Variants in PTK2 observed in about 807,000 individuals in gnomAD.
PTK2 encodes the protein focal adhesion kinase 1.
Under a neutral mutation model 150.1 loss-of-function variants are expected in PTK2, and 45 were observed. The ratio of observed to expected loss-of-function variants is 0.30; its 90% CI spans 0.24 to 0.38. PTK2 has a LOEUF of 0.38. PTK2 is among the 10% of genes least tolerant of loss of function. The pLI is 1.00. For missense variants in PTK2, 919 were observed against 1,307.3 expected (o/e 0.70, Z 4.58); for synonymous variants, 432 against 449.2 (o/e 0.96, Z 0.48).
At chr8:140,693,439 C>T (rs893977548) in intron 26 of PTK2, among the ~76,000 whole-genome samples, 7 of 151,546 alleles carry the variant, frequency 4.6e-5, no homozygotes, top group Non-Finnish European at 8.8e-5. Flanking sequence ...TGCCCGTAGT[C>T]GCAGCTACTC....
chr8:140,824,472 T>C (rs1429269422), intron 8 of PTK2, among the ~76,000 whole-genome samples: 2 of 152,134 alleles, frequency 1.3e-5, no homozygotes, highest in African/African-American at 4.8e-5. Flanking sequence ...CAGAAACAAC[T>C]CTCTCATTCT....
chr8:140,772,077 C>T (rs1380321157), intron 14 of PTK2, among the ~76,000 whole-genome samples: 1 of 152,056 alleles, frequency 6.6e-6, no homozygotes, highest in African/African-American at 2.4e-5. Context: ...GCATAAGCCA[C>T]CGCGCCCGGC....
chr8:140,707,304 G>C (rs1047106031), intron 23 of PTK2, among the ~76,000 whole-genome samples: 1 of 152,278 alleles, frequency 6.6e-6, no homozygotes, highest in African/African-American at 2.4e-5. Context: ...TTGGGAGGCC[G>C]AGGTGGATCA....
At chr8:140,811,583 A>G (rs2100101595) in intron 10 of PTK2, among the ~76,000 whole-genome samples, 1 of 152,208 alleles carries the variant, frequency 6.6e-6, no homozygotes, top group South Asian at 2.1e-4. Flanking sequence ...AAATGACAGA[A>G]ATAGAATTCA....
intron 2 of PTK2, among the ~76,000 whole-genome samples, chr8:140,904,350 C>G (rs2100160003): frequency 6.6e-6 from 1 of 152,136 alleles, no homozygotes; most frequent in South Asian, 2.1e-4. Context: ...ATGAAGCCGA[C>G]TTGATAGTGG....
chr8:140,968,123 G>A (rs777023769), intron 1 of PTK2, among the ~76,000 whole-genome samples: 27 of 152,094 alleles, frequency 1.8e-4, no homozygotes, highest in Non-Finnish European at 3.4e-4. Flanking sequence ...CTTAGTACAC[G>A]GTTTGCCATC....
chr8:140,729,073 T>C (rs889961884), intron 22 of PTK2, among the ~76,000 whole-genome samples: 1 of 151,586 alleles, frequency 6.6e-6, no homozygotes. Context: ...AGAAGCGATA[T>C]GAAAAAAAAA....
At chr8:140,817,554 C>T (rs1479267489) in intron 10 of PTK2, among the ~76,000 whole-genome samples, 6 of 152,202 alleles carry the variant, frequency 3.9e-5, no homozygotes, top group African/African-American at 1.2e-4. Context: ...TCAGTACACC[C>T]ACCCTCACAC....
chr8:140,952,030 T>C (rs568837089), intron 1 of PTK2, among the ~76,000 whole-genome samples: 1 of 152,350 alleles, frequency 6.6e-6, no homozygotes, highest in East Asian at 1.9e-4. Context: ...AATGTAAGTT[T>C]TGTATTTCTG....
chr8:140,735,744 G>T (rs934947759), intron 21 of PTK2, among the ~76,000 whole-genome samples: 3 of 152,118 alleles, frequency 2.0e-5, no homozygotes, highest in Non-Finnish European at 4.4e-5. Flanking sequence ...AGCTACAGTG[G>T]TACTTCGTGG....
chr8:140,678,198 C>T (rs1404087895), intron 27 of PTK2, among the ~76,000 whole-genome samples: 2 of 151,850 alleles, frequency 1.3e-5, no homozygotes, highest in Non-Finnish European at 2.9e-5. Context: ...AAACGCCCGC[C>T]ACGATGCCTG....
chr8:140,666,767 TATACACTCAAA>T (rs1384974044), intron 30 of PTK2, among the ~76,000 whole-genome samples: 3 of 152,318 alleles, frequency 2.0e-5, no homozygotes, highest in Non-Finnish European at 2.9e-5. Flanking sequence ...CAATTCTGAG[TATACACTCAAA>T]AGAAGTGAAA....
chr8:140,801,229 C>G (rs1346694766), intron 11 of PTK2, among the ~76,000 whole-genome samples: 1 of 152,160 alleles, frequency 6.6e-6, no homozygotes, highest in Non-Finnish European at 1.5e-5. Context: ...AGAGAACTGG[C>G]CGTTAACAGA....
At chr8:140,882,400 G>A (rs1220792719) in intron 3 of PTK2, among the ~76,000 whole-genome samples, 1 of 152,032 alleles carries the variant, frequency 6.6e-6, no homozygotes, top group Non-Finnish European at 1.5e-5. Context: ...AGGATAATAG[G>A]ACATGGGTTT....
intron 2 of PTK2, among the ~76,000 whole-genome samples, chr8:140,912,253 A>AAAAAAAAC (rs3046287): frequency 0.029 from 4,460 of 151,820 alleles, 103 homozygotes; most frequent in Non-Finnish European, 0.042. Flanking sequence ...TATAAAAGAA[A>AAAAAAAAC]AAAAAAACAA....
At chr8:140,719,570 G>A (rs1236834613) in intron 22 of PTK2, among the ~76,000 whole-genome samples, 1 of 152,182 alleles carries the variant, frequency 6.6e-6, no homozygotes, top group Non-Finnish European at 1.5e-5. Flanking sequence ...GGCTATGAGA[G>A]CATCTGCTAT....
intron 1 of PTK2, among the ~76,000 whole-genome samples, chr8:140,929,244 C>CCT (rs2100170849): frequency 6.6e-6 from 1 of 151,972 alleles, no homozygotes; most frequent in African/African-American, 2.4e-5. Flanking sequence ...GGATTACAGG[C>CCT]GTGAGCCACC....
intron 17 of PTK2, among the ~76,000 whole-genome samples, chr8:140,747,445 G>T (rs1434669854): frequency 1.7e-5 from 1 of 60,300 alleles, no homozygotes; most frequent in Non-Finnish European, 3.4e-5. Context: ...AGAAGAAAGG[G>T]GGGGGGAAGA....
intron 27 of PTK2, among the ~76,000 whole-genome samples, chr8:140,679,805 C>A (rs547142894): frequency 6.6e-6 from 1 of 152,180 alleles, no homozygotes; most frequent in African/African-American, 2.4e-5. Context: ...ATAATCTACA[C>A]GGCTTTCTAG....
Sources: gnomAD v4.1 joint callset for allele counts (sites outside exome capture counted in the v4.1 genomes callset) on GRCh38, gnomAD v4.1.1 for gene constraint, MANE v1.5 for transcripts, NCBI Gene and HGNC (gene_info 2026-07-23, HGNC 2026-07-21) for gene names.